MAB21L4: variants seen among roughly 807,000 people sequenced by gnomAD.
MAB21L4 encodes mab-21 like 4, also known as protein mab-21-like 4.
A neutral mutation model predicts 32.4 loss-of-function variants in MAB21L4; 25 were observed. The ratio of observed to expected loss-of-function variants is 0.77; its 90% CI spans 0.56 to 1.08. The LOEUF (loss-of-function observed/expected upper bound fraction) is 1.08. MAB21L4 is among the 50% of genes least tolerant of loss of function. The pLI, the probability that MAB21L4 is intolerant of heterozygous loss-of-function variation, is 0.00. For synonymous variants in MAB21L4, 280 were observed against 276.8 expected (o/e 1.01, Z -0.11); for missense variants, 638 against 611.0 (o/e 1.04, Z -0.47).
chr2:240,891,856 C>T (rs774719912), intron 1 of MAB21L4, 93 bp from the exon 2 acceptor site: 12 of 1,585,304 alleles, frequency 7.6e-6, no homozygotes, highest in Non-Finnish European at 1.0e-5. Flanking sequence ...TGGCCCCTGC[C>T]CCTCATCACC....
chr2:240,891,068 G>A lies in MAB21L4; in HGVS notation c.740+470C>T, dbSNP rs928710840. Among the ~76,000 whole-genome samples, 14 of 152,284 alleles carry A rather than the reference G, an allele frequency of 9.2e-5. No individual in the cohort carries two copies. The South Asian group carries it at 1.0e-3, about 11-fold the overall frequency. ...GTGGTGTCAGATCTGGATGGGGTGC[G>A]GTCCCTGGCCATTGGCTAGGGGTCT... On this transcript the variant is annotated intron_variant, in intron 2 of 4. Coordinates refer to ENST00000388934, the MANE Select transcript of MAB21L4 (RefSeq NM_001085437.3).
intron 1 of MAB21L4, among the ~76,000 whole-genome samples, chr2:240,894,594 C>CGACT (rs1411522035): frequency 6.6e-6 from 1 of 152,194 alleles, no homozygotes; most frequent in Non-Finnish European, 1.5e-5. Context: ...CATCTGAAGT[C>CGACT]AGAAGTTCGA....
intron 1 of MAB21L4, among the ~76,000 whole-genome samples, chr2:240,893,902 G>T (rs1187723682): frequency 6.6e-6 from 1 of 152,086 alleles, no homozygotes; most frequent in Non-Finnish European, 1.5e-5. Context: ...TGGCCTGCAT[G>T]ATTAGAGGTT....
chr2:240,896,187 G>A, upstream of MAB21L4: 3 of 1,293,150 alleles, frequency 2.3e-6, no homozygotes, highest in Non-Finnish European at 2.0e-6. Flanking sequence ...ACTATTTAAG[G>A]CCTTTGAAGT....
chr2:240,895,494 G>A lies in MAB21L4; in HGVS notation c.504C>T (p.Leu168=), dbSNP rs1302083571. ...AAIVHCKHHS[L]IAPGSLNAAS... Reference sequence around the variant, plus strand: ...GGGCTGTGCCTGTACCTGGTGCGATGAGACTGTGGTGCTTGCAGTGTACGA... The same window carrying A: ...GGGCTGTGCCTGTACCTGGTGCGATAAGACTGTGGTGCTTGCAGTGTACGA... The change falls in exon 1 of 5, where the codon CTC becomes CTT. Residue 168 remains leucine, a synonymous_variant. Transcript: ENST00000388934. The A allele has an allele frequency of 2.9e-5, 46 of 1,561,182 alleles. No homozygotes were observed. Among genetic ancestry groups the A allele is most frequent in the Non-Finnish European group, 3.5e-5 (40 of 1,147,456 alleles).
Position 240,890,007 on chromosome 2 carries a change from T to C in MAB21L4, c.892A>G (p.Lys298Glu), listed in dbSNP as rs2059129805. The change falls in exon 3 of 5, where the codon AAG becomes GAG. Residue 298 changes from lysine to glutamate, a missense_variant and splice_region_variant. Physicochemically the swap from Lys to Glu is moderately conservative, Grantham distance 56. Coordinates refer to ENST00000388934, the MANE Select transcript of MAB21L4 (RefSeq NM_001085437.3). ...CCGCCGAGTCCCGCCCTGGGTACCT[T>C]CAGGTGGCCAAAGGTCAGGCCGTCA... ...QTDGLTFGHL[K>E]MVLLWASVLF... The C allele has an allele frequency of 2.5e-6, 4 of 1,607,220 alleles. No homozygotes were observed. The Admixed American group carries it at 5.0e-5, about 20-fold the overall frequency.
intron 4 of MAB21L4, among the ~76,000 whole-genome samples, chr2:240,887,912 G>C (rs1200879464): frequency 1.3e-5 from 2 of 152,138 alleles, no homozygotes; most frequent in Admixed American, 6.5e-5. Flanking sequence ...AGAAAAAAAT[G>C]GTCCCTCTGG....
chr2:240,888,087 G>A (rs1429933226), intron 4 of MAB21L4, among the ~76,000 whole-genome samples: 1 of 152,164 alleles, frequency 6.6e-6, no homozygotes, highest in African/African-American at 2.4e-5. Flanking sequence ...GGCCCTGTGA[G>A]GCCACCAGTG....
intron 3 of MAB21L4, among the ~76,000 whole-genome samples, chr2:240,889,697 C>A (rs1185642137): frequency 6.6e-6 from 1 of 152,164 alleles, no homozygotes; most frequent in Non-Finnish European, 1.5e-5. Flanking sequence ...GAACACTGGG[C>A]TCTGTGAGGC....
chr2:240,887,536 G>A (rs572499062), intron 4 of MAB21L4, among the ~76,000 whole-genome samples: 1 of 152,266 alleles, frequency 6.6e-6, no homozygotes, highest in Non-Finnish European at 1.5e-5. Flanking sequence ...AAATTCTTAA[G>A]TGTTGGGCAT....
chr2:240,887,878 G>T (rs952802411), intron 4 of MAB21L4, among the ~76,000 whole-genome samples: 1 of 152,118 alleles, frequency 6.6e-6, no homozygotes, highest in Non-Finnish European at 1.5e-5. Flanking sequence ...CAAGGAGCAC[G>T]GCTGTGGATT....
chr2:240,895,714 T>C lies in MAB21L4; in HGVS notation c.284A>G (p.Glu95Gly). The part of the protein sequence containing the change: ...LWVDAEALLI[E>G]EPEATQPEDG... The stretch of plus-strand genomic sequence containing the variant: ...CTCCGGCTGGGTGGCCTCTGGTTCC[T>C]CAATCAGTAGAGCCTCGGCATCCAC... The change falls in exon 1 of 5, where the codon GAG (glutamate) becomes GGG (glycine). Residue 95 changes from glutamate (E) to glycine (G), a missense_variant. Physicochemically the swap from Glu to Gly is moderately conservative, Grantham distance 98. Coordinates refer to ENST00000388934, the MANE Select transcript of MAB21L4 (RefSeq NM_001085437.3). 1 of 1,612,890 alleles carries C rather than the reference T, an allele frequency of 6.2e-7. No homozygotes were observed. Among genetic ancestry groups the C allele is most frequent in the African/African-American group, 1.3e-5 (1 of 75,068 alleles).
At chr2:240,896,488 C>T (rs73108560), upstream of MAB21L4, among the ~76,000 whole-genome samples, 90 of 152,272 alleles carry the variant, frequency 5.9e-4, no homozygotes, top group African/African-American at 2.0e-3. Context: ...CCCCAGCCTC[C>T]CTGCCAGGTT....
At position 240,887,096 on chromosome 2, in the gene MAB21L4, T is replaced by C. The variant is rs747857125; in HGVS notation, c.1318A>G (p.Arg440Gly). The C allele has an allele frequency of 3.2e-5, 52 of 1,613,994 alleles. 1 individual carries two copies. Among genetic ancestry groups the C allele is most frequent in the Non-Finnish European group, 4.2e-5 (50 of 1,179,988 alleles). The change falls in exon 5 of 5, where the codon AGG (arginine) becomes GGG (glycine). Residue 440 changes from arginine to glycine, a missense_variant. Coordinates refer to ENST00000388934, the MANE Select transcript of MAB21L4 (RefSeq NM_001085437.3). ...CAGCTCTCCTCGCCTCCCAGAGTCC[T>C]GGTCTTCTGGAAGATGCTCTGCATG... Reference protein sequence around the residue: ...SAMQSIFQKTRTLGGEES With the variant: ...SAMQSIFQKTGTLGGEES
intron 1 of MAB21L4, among the ~76,000 whole-genome samples, chr2:240,894,093 T>C (rs1253966336): frequency 6.6e-6 from 1 of 151,736 alleles, no homozygotes; most frequent in East Asian, 2.0e-4. Flanking sequence ...ACTGGAGGCC[T>C]GGCTATGTGC....
intron 1 of MAB21L4, among the ~76,000 whole-genome samples, chr2:240,893,357 G>A (rs918186546): frequency 2.6e-5 from 4 of 152,230 alleles, no homozygotes; most frequent in East Asian, 1.9e-4. Context: ...CTGCCTGGGC[G>A]GCCCATCCCA....
At chr2:240,887,430 C>T (rs1040235782) in intron 4 of MAB21L4, among the ~76,000 whole-genome samples, 2 of 152,236 alleles carry the variant, frequency 1.3e-5, no homozygotes, top group African/African-American at 2.4e-5. Context: ...AGGCTGCCTC[C>T]GGTGACCACC....
intron 2 of MAB21L4, among the ~76,000 whole-genome samples, chr2:240,890,638 G>A (rs1003096388): frequency 7.9e-5 from 12 of 152,202 alleles, no homozygotes; most frequent in African/African-American, 2.9e-4. Context: ...GATGGGCTGA[G>A]GTGGTGGAGC....
Position 240,895,905 on chromosome 2 carries a change from C to T in MAB21L4, c.93G>A (p.Pro31=), listed in dbSNP as rs532992391. Residue 31 remains proline, a synonymous_variant, in exon 1 of 5, where the codon CCG becomes CCA. Coordinates refer to ENST00000388934, the MANE Select transcript of MAB21L4 (RefSeq NM_001085437.3). The stretch of plus-strand genomic sequence containing the variant: ...CTGCGCGCTGGAAGTCCTGGGCACG[C>T]GGCGCCTCCCGGGACCGGATGGCCT... The part of the protein sequence containing the change: ...YLQAIRSREA[P]RAQDFQRAEN... The T allele has an allele frequency of 4.3e-5, 66 of 1,522,160 alleles. No individual in the cohort carries two copies. In the South Asian group the frequency reaches 4.4e-4, roughly 10 times the overall value. 94.3% of individuals were successfully genotyped at this position (1,522,160 alleles called of 1,614,324 possible).
Sources: allele counts gnomAD v4.1 joint callset (sites outside exome capture counted in the v4.1 genomes callset), GRCh38; gene constraint gnomAD v4.1.1; transcripts MANE v1.5; gene names NCBI Gene and HGNC (gene_info 2026-07-23, HGNC 2026-07-21).